The following GLIS3 variants were observed in gnomAD, a reference collection of about 807,000 sequenced individuals.
The protein encoded by GLIS3 is GLIS family zinc finger 3.
GLIS3 carries 53 observed loss-of-function variants against 78.6 expected under a neutral mutation model. That is an observed-to-expected ratio of 0.67 (90% CI 0.54 to 0.85). GLIS3 has a LOEUF of 0.85. Among genes scored for constraint, GLIS3 ranks in the 40% least tolerant of loss-of-function variants. GLIS3 has a pLI of 0.00. For missense variants in GLIS3, 1,703 were observed against 1,231.1 expected (o/e 1.38, Z -5.74); for synonymous variants, 684 against 509.9 (o/e 1.34, Z -4.60).
intron 2 of GLIS3, among the ~76,000 whole-genome samples, chr9:4,333,976 G>T (rs1048472853): frequency 1.3e-5 from 2 of 152,184 alleles, no homozygotes; most frequent in Non-Finnish European, 2.9e-5. Context: ...CTCTGCAGGA[G>T]AGGAAAGGAC....
At chr9:4,040,929 A>C (rs916858643) in intron 4 of GLIS3, among the ~76,000 whole-genome samples, 3 of 152,282 alleles carry the variant, frequency 2.0e-5, no homozygotes, top group African/African-American at 7.2e-5. Context: ...GAAATACAAA[A>C]CATCAGGACC....
chr9:4,360,197 C>A, the GLIS3 span, among the ~76,000 whole-genome samples: 1 of 152,170 alleles, frequency 6.6e-6, no homozygotes, highest in Non-Finnish European at 1.5e-5. Flanking sequence ...CATCACCCAA[C>A]CGCCTGACCC....
At chr9:3,852,997 C>G (rs1819530391) in intron 9 of GLIS3, among the ~76,000 whole-genome samples, 1 of 152,026 alleles carries the variant, frequency 6.6e-6, no homozygotes, top group African/African-American at 2.4e-5. Context: ...TCACTTGAGC[C>G]CAAGAGTTCA....
intron 2 of GLIS3, among the ~76,000 whole-genome samples, chr9:4,168,706 C>T (rs1269782919): frequency 1.1e-4 from 16 of 152,120 alleles, no homozygotes; most frequent in Admixed American, 1.0e-3. Flanking sequence ...AACTGTCCTC[C>T]AAACCTTTCA....
At chr9:4,026,469 A>G (rs1333288204) in intron 4 of GLIS3, among the ~76,000 whole-genome samples, 1 of 152,218 alleles carries the variant, frequency 6.6e-6, no homozygotes, top group Non-Finnish European at 1.5e-5. Flanking sequence ...TGTACTTTAA[A>G]CTTTATTGTT....
At chr9:3,975,113 AT>A (rs1029401034) in intron 4 of GLIS3, 3 of 152,278 alleles carry the variant, frequency 2.0e-5, no homozygotes, top group African/African-American at 7.2e-5. Flanking sequence ...ATAATCTTAT[AT>A]TGTGAATATA....
intron 2 of GLIS3, among the ~76,000 whole-genome samples, chr9:4,230,008 G>C (rs10814894): frequency 0.36 from 54,883 of 152,074 alleles, 10,896 homozygotes; most frequent in Middle Eastern, 0.48. Context: ...CTTTGGAAGA[G>C]AAGGAGGAAA....
At chr9:4,150,852 T>C (rs1404707218) in intron 2 of GLIS3, 1 of 152,142 alleles carries the variant, frequency 6.6e-6, no homozygotes. Context: ...ATCCAAGTAC[T>C]TGGGCACCCA....
chr9:4,185,258 T>C (rs10974378), intron 2 of GLIS3, among the ~76,000 whole-genome samples: 42,003 of 152,176 alleles, frequency 0.28, 6,982 homozygotes, highest in South Asian at 0.53. Flanking sequence ...TTTCTTGAAG[T>C]TTGTCTATGA....
At chr9:3,867,786 T>C (rs576027462) in intron 8 of GLIS3, among the ~76,000 whole-genome samples, 2 of 151,982 alleles carry the variant, frequency 1.3e-5, no homozygotes, top group East Asian at 1.9e-4. Flanking sequence ...TGCATGCACA[T>C]GTGTTGGGTA....
At chr9:4,268,006 T>C (rs1335984361) in intron 2 of GLIS3, among the ~76,000 whole-genome samples, 1 of 152,064 alleles carries the variant, frequency 6.6e-6, no homozygotes, top group Non-Finnish European at 1.5e-5. Context: ...TGTGTGTGAA[T>C]ATATACATAG....
chr9:4,462,035 C>A, the GLIS3 span, among the ~76,000 whole-genome samples: 3 of 152,068 alleles, frequency 2.0e-5, no homozygotes, highest in Non-Finnish European at 4.4e-5. Context: ...ATGGGAATAG[C>A]AAGAAGAGTA....
intron 2 of GLIS3, among the ~76,000 whole-genome samples, chr9:4,197,507 G>A (rs2131249787): frequency 6.6e-6 from 1 of 152,226 alleles, no homozygotes. Context: ...TAAGGCCAAG[G>A]AGGTTTCCCA....
the GLIS3 span, among the ~76,000 whole-genome samples, chr9:4,428,715 A>AGCCCTAG: frequency 6.6e-6 from 1 of 152,126 alleles, no homozygotes; most frequent in Non-Finnish European, 1.5e-5. Flanking sequence ...GGTCATTCAA[A>AGCCCTAG]GCCCTAGGAA....
chr9:4,265,259 C>T (rs1825887818), intron 2 of GLIS3, among the ~76,000 whole-genome samples: 1 of 151,950 alleles, frequency 6.6e-6, no homozygotes, highest in South Asian at 2.1e-4. Context: ...TCTGGTTTAC[C>T]ATCTGTGCTA....
intron 6 of GLIS3, among the ~76,000 whole-genome samples, chr9:3,913,547 G>C (rs1253545652): frequency 1.3e-5 from 2 of 152,064 alleles, no homozygotes; most frequent in Non-Finnish European, 2.9e-5. Flanking sequence ...TGTACTTCTG[G>C]CCACAAACCT....
intron 8 of GLIS3, among the ~76,000 whole-genome samples, chr9:3,860,272 C>CAAAAA (rs59923144): frequency 7.3e-4 from 39 of 53,604 alleles, no homozygotes; most frequent in African/African-American, 1.5e-3. Flanking sequence ...AAGACTCTGT[C>CAAAAA]AAAAAAAAAA....
chr9:4,318,900 G>C (rs1817478664), intron 2 of GLIS3, among the ~76,000 whole-genome samples: 1 of 152,230 alleles, frequency 6.6e-6, no homozygotes, highest in Non-Finnish European at 1.5e-5. Context: ...GTTCATCAAA[G>C]TGACATCATG....
chr9:4,223,336 G>C (rs1821495684), intron 2 of GLIS3, among the ~76,000 whole-genome samples: 1 of 152,120 alleles, frequency 6.6e-6, no homozygotes, highest in African/African-American at 2.4e-5. Context: ...AGGATACACA[G>C]CCTAACACTG....
Sources: allele counts gnomAD v4.1 joint callset (sites outside exome capture counted in the v4.1 genomes callset), GRCh38; gene constraint gnomAD v4.1.1; transcripts MANE v1.5; gene names NCBI Gene and HGNC (gene_info 2026-07-23, HGNC 2026-07-21).